LINGO2: variants seen among roughly 807,000 people sequenced by gnomAD.
LINGO2 encodes leucine rich repeat and Ig domain containing 2, also known as leucine-rich repeat and immunoglobulin-like domain-containing nogo receptor-interacting protein 2.
Under a neutral mutation model 30.6 loss-of-function variants are expected in LINGO2, and 14 were observed. The ratio of observed to expected loss-of-function variants is 0.46; its 90% CI spans 0.30 to 0.72. The LOEUF is 0.72. LINGO2 is among the 30% of genes least tolerant of loss of function. The pLI is 0.07. For synonymous variants in LINGO2, 317 were observed against 288.5 expected, an observed-to-expected ratio of 1.10 and a Z score of -1.00; for missense variants, 729 against 751.7, an observed-to-expected ratio of 0.97 and a Z score of 0.35.
At chr9:29,060,523 C>T in the LINGO2 span, among the ~76,000 whole-genome samples, 1 of 151,846 alleles carries the variant, frequency 6.6e-6, no homozygotes, top group African/African-American at 2.4e-5. Flanking sequence ...AGACACAATC[C>T]AAATTTTTTC....
At chr9:29,039,588 A>G in the LINGO2 span, among the ~76,000 whole-genome samples, 1 of 152,022 alleles carries the variant, frequency 6.6e-6, no homozygotes, top group Non-Finnish European at 1.5e-5. Context: ...TCTACTTTGC[A>G]TTTTCTCTGA....
the LINGO2 span, among the ~76,000 whole-genome samples, chr9:29,086,618 A>G: frequency 6.6e-6 from 1 of 152,200 alleles, no homozygotes; most frequent in East Asian, 1.9e-4. Flanking sequence ...AGAAGGTGAA[A>G]AAAATTGAAA....
Position 28,040,558 on chromosome 9 carries a change from AAT to A in LINGO2, c.-86-28155_-86-28154del, listed in dbSNP as rs548743171. ...TTATCTGAATTATGAACCATGTCAT[AAT>A]AGAGATTTATAATAAATCCATTGTT... On this transcript the variant is annotated intron_variant, in intron 4 of 5. Coordinates refer to ENST00000379992, the Ensembl canonical transcript of LINGO2. Among the ~76,000 whole-genome samples, 654 of 151,608 alleles carry A rather than the reference AAT, an allele frequency of 4.3e-3. 5 individuals carry two copies. Among genetic ancestry groups the A allele is most frequent in the African/African-American group, 0.015 (630 of 41,364 alleles).
At chr9:28,251,651 C>A (rs1200442726) in intron 4 of LINGO2, among the ~76,000 whole-genome samples, 1 of 152,078 alleles carries the variant, frequency 6.6e-6, no homozygotes, top group African/African-American at 2.4e-5. Context: ...GAACTGTTTT[C>A]TTTCTCTTCT....
chr9:28,643,353 C>T (rs374244496), intron 1 of LINGO2, among the ~76,000 whole-genome samples: 7 of 151,834 alleles, frequency 4.6e-5, no homozygotes, highest in South Asian at 2.1e-4. Flanking sequence ...CATAGACCAA[C>T]GGAACAGAAT....
intron 4 of LINGO2, among the ~76,000 whole-genome samples, chr9:28,017,774 C>A (rs1190121761): frequency 1.3e-5 from 2 of 152,104 alleles, no homozygotes; most frequent in Non-Finnish European, 2.9e-5. Context: ...GTAATAATGG[C>A]CATGCTGCCC....
At chr9:29,156,701 T>C in the LINGO2 span, among the ~76,000 whole-genome samples, 1 of 152,068 alleles carries the variant, frequency 6.6e-6, no homozygotes, top group Non-Finnish European at 1.5e-5. Flanking sequence ...CTTTATAAAA[T>C]GCTAGCCTTC....
the LINGO2 span, among the ~76,000 whole-genome samples, chr9:28,895,975 A>G: frequency 1.2e-3 from 177 of 152,272 alleles, no homozygotes; most frequent in Non-Finnish European, 2.1e-3. Flanking sequence ...GGAAACTATC[A>G]ACATAAAGCA....
rs891779073 is a variant in LINGO2, at chr9:28,295,342, C to T, written c.-221G>A. ...TGGGCAGCAGCATCTCTCAGAGTCC[C>T]ACAAGCCAACTGCTTGAAACGAACC... On this transcript the variant is annotated 5_prime_UTR_variant, in exon 4 of 6. The change creates a premature stop within an existing upstream ORF in the 5' untranslated region. Transcript: ENST00000379992. 7 of 152,566 alleles carry T rather than the reference C, an allele frequency of 4.6e-5. No homozygotes were observed. The highest frequency in any genetic ancestry group is 1.7e-4 in the African/African-American group (7 of 41,438). The allele number at this position is 152,566 out of a possible 1,614,324, so 9.5% of individuals were successfully genotyped here.
At chr9:29,018,091 T>TA in the LINGO2 span, among the ~76,000 whole-genome samples, 29 of 23,208 alleles carry the variant, frequency 1.2e-3, no homozygotes, top group African/African-American at 1.6e-3. Flanking sequence ...AATATACATT[T>TA]TATATATATA....
At chr9:28,092,023 G>A (rs376816876) in intron 4 of LINGO2, among the ~76,000 whole-genome samples, 29 of 152,134 alleles carry the variant, frequency 1.9e-4, no homozygotes, top group African/African-American at 4.1e-4. Context: ...TTAGAATGGC[G>A]ATCATTAAAA....
At chr9:28,700,231 G>C in the LINGO2 span, among the ~76,000 whole-genome samples, 2 of 151,922 alleles carry the variant, frequency 1.3e-5, no homozygotes, top group African/African-American at 2.4e-5. Context: ...GACACTAAAG[G>C]AAAATGTAAA....
At chr9:28,765,297 A>C in the LINGO2 span, among the ~76,000 whole-genome samples, 2 of 152,080 alleles carry the variant, frequency 1.3e-5, no homozygotes, top group African/African-American at 4.8e-5. Flanking sequence ...TAGTATTAAA[A>C]CAGACAGATA....
chr9:28,207,373 T>C (rs1484935160), intron 4 of LINGO2, among the ~76,000 whole-genome samples: 1 of 152,124 alleles, frequency 6.6e-6, no homozygotes, highest in African/African-American at 2.4e-5. Context: ...TTCTGTTACT[T>C]TACATAAATT....
intron 1 of LINGO2, among the ~76,000 whole-genome samples, chr9:28,587,461 C>A (rs1824611659): frequency 6.6e-6 from 1 of 151,972 alleles, no homozygotes; most frequent in Non-Finnish European, 1.5e-5. Context: ...CTAGCCTTCC[C>A]TCTGTCTCTC....
At chr9:28,017,422 C>A (rs1472865982) in intron 4 of LINGO2, among the ~76,000 whole-genome samples, 6 of 152,118 alleles carry the variant, frequency 3.9e-5, no homozygotes, top group Non-Finnish European at 1.5e-5. Flanking sequence ...GACATTATGA[C>A]CGTATTCCTA....
At chr9:28,708,733 C>G in the LINGO2 span, among the ~76,000 whole-genome samples, 3 of 136,176 alleles carry the variant, frequency 2.2e-5, no homozygotes, top group Non-Finnish European at 4.7e-5. Flanking sequence ...TCACAGCAAG[C>G]AGAAGCCTGC....
intron 5 of LINGO2, among the ~76,000 whole-genome samples, chr9:27,959,701 T>C (rs12337504): frequency 0.075 from 11,408 of 152,212 alleles, 1,448 homozygotes; most frequent in African/African-American, 0.26. Context: ...GTATGATCAA[T>C]CTTGCTGCCA....
chr9:29,087,188 C>G, the LINGO2 span, among the ~76,000 whole-genome samples: 2 of 152,052 alleles, frequency 1.3e-5, no homozygotes, highest in African/African-American at 4.8e-5. Flanking sequence ...AAGAAGTAAT[C>G]TTTTTAATGT....
Sources: allele counts gnomAD v4.1 joint callset (sites outside exome capture counted in the v4.1 genomes callset), GRCh38; gene constraint gnomAD v4.1.1; transcripts MANE v1.5; gene names NCBI Gene and HGNC (gene_info 2026-07-23, HGNC 2026-07-21).